SPAG1: variants seen among roughly 807,000 people sequenced by gnomAD.
SPAG1 encodes sperm associated antigen 1, also known as sperm-associated antigen 1.
A neutral mutation model predicts 100.5 loss-of-function variants in SPAG1; 69 were observed. The ratio of observed to expected loss-of-function variants is 0.69; its 90% CI spans 0.57 to 0.84. The LOEUF (loss-of-function observed/expected upper bound fraction) is 0.84, where lower values mean the gene tolerates loss of function less well. Among genes scored for constraint, SPAG1 ranks in the 40% least tolerant of loss-of-function variants. SPAG1 has a pLI of 0.00. For missense variants in SPAG1, 955 were observed against 1,133.1 expected, an observed-to-expected ratio of 0.84 and a Z score of 2.26; for synonymous variants, 336 against 411.6, an observed-to-expected ratio of 0.82 and a Z score of 2.22.
chr8:100,170,953 T>C (rs2132218044), intron 3 of SPAG1, among the ~76,000 whole-genome samples: 1 of 152,262 alleles, frequency 6.6e-6, no homozygotes, highest in South Asian at 2.1e-4. Context: ...TCGTTCTGAC[T>C]TTCACTGTGA....
chr8:100,235,943 C>T (rs1339008915), intron 16 of SPAG1, among the ~76,000 whole-genome samples: 1 of 152,138 alleles, frequency 6.6e-6, no homozygotes, highest in Admixed American at 6.5e-5. Context: ...ATTTACTCAC[C>T]TCTTTGAGCT....
At chr8:100,218,624 A>G (rs1818120154) in intron 12 of SPAG1, among the ~76,000 whole-genome samples, 1 of 152,230 alleles carries the variant, frequency 6.6e-6, no homozygotes, top group African/African-American at 2.4e-5. Context: ...AAAACCACTT[A>G]CCTATTATAG....
Position 100,187,168 on chromosome 8 carries a change from A to G in SPAG1, c.750A>G (p.Gln250=), listed in dbSNP as rs1168608615. Residue 250 remains glutamine, a synonymous_variant, in exon 8 of 19, where the codon CAA becomes CAG. Transcript: ENST00000388798. The part of the protein sequence containing the change: ...PTVVAYNNRA[Q]AEIKLQNWNS... ...TAGTTGCCTATAACAATCGAGCTCA[A>G]GCAGAAATCAAATTACAGAACTGGA... The G allele has an allele frequency of 6.2e-7, 1 of 1,613,364 alleles. No homozygotes were observed. Among genetic ancestry groups the G allele is most frequent in the Admixed American group, 1.7e-5 (1 of 59,980 alleles).
intron 9 of SPAG1, 117 bp from the exon 10 acceptor site, chr8:100,193,995 A>G (rs957271953): frequency 4.4e-6 from 4 of 918,444 alleles, no homozygotes; most frequent in Admixed American, 3.8e-5. Flanking sequence ...GCCACCAAAA[A>G]AAAGCCTTGT....
intron 4 of SPAG1, among the ~76,000 whole-genome samples, chr8:100,182,994 G>C (rs1310372661): frequency 6.7e-6 from 1 of 150,140 alleles, no homozygotes; most frequent in African/African-American, 2.5e-5. Flanking sequence ...TTATTTTTTT[G>C]AGACAGTTTC....
At chr8:100,174,151 AAACTT>A (rs1182006113) in intron 3 of SPAG1, among the ~76,000 whole-genome samples, 2 of 152,188 alleles carry the variant, frequency 1.3e-5, no homozygotes, top group African/African-American at 4.8e-5. Context: ...GACTCCCCCA[AAACTT>A]AACTATTGAT....
chr8:100,192,726 G>A (rs1236174405), intron 9 of SPAG1, among the ~76,000 whole-genome samples: 1 of 152,104 alleles, frequency 6.6e-6, no homozygotes, highest in African/African-American at 2.4e-5. Context: ...TTTTTGTAAT[G>A]GTTATGTTTA....
chr8:100,164,404 A>T (rs994077187), intron 2 of SPAG1, among the ~76,000 whole-genome samples: 9 of 152,192 alleles, frequency 5.9e-5, no homozygotes, highest in African/African-American at 2.2e-4. Flanking sequence ...GAAACTTAGA[A>T]AAAGTAAATG....
rs1048441868 is a variant in SPAG1 at position 100,162,508 on chromosome 8, A to G, written c.140+88A>G. 1.3e-5 allele frequency: 15 copies of G among 1,153,896 alleles called. No individual in the cohort carries two copies. The African/African-American group carries it at 2.2e-4, about 17-fold the overall frequency. 71.5% of individuals were successfully genotyped at this position (1,153,896 alleles called of 1,614,324 possible). A position where few individuals can be genotyped will look rare whatever the true frequency, so the allele number is the denominator to read the frequency against. ...TCTAAAGGTAAAAGCTACATTAGAA[A>G]TATCTGTTTTTGCCCATGCATGGTA... On this transcript the variant is annotated intron_variant, in intron 2 of 18. Transcript: ENST00000388798.
intron 14 of SPAG1, 24 bp from the exon 15 acceptor site, chr8:100,231,132 C>T: frequency 6.3e-7 from 1 of 1,587,824 alleles, no homozygotes; most frequent in Non-Finnish European, 8.6e-7. Flanking sequence ...GATACTTCCT[C>T]TTCTTTGTTT....
intron 2 of SPAG1, 38 bp from the exon 3 acceptor site, chr8:100,165,776 A>G (rs1486657382): frequency 6.4e-7 from 1 of 1,566,364 alleles, no homozygotes; most frequent in East Asian, 2.2e-5. Flanking sequence ...GATCCTAAAT[A>G]AGGTGCTAAC....
chr8:100,196,957 T>C (rs758523403), intron 10 of SPAG1, among the ~76,000 whole-genome samples: 1 of 151,958 alleles, frequency 6.6e-6, no homozygotes, highest in Non-Finnish European at 1.5e-5. Context: ...AGTCTCGCCA[T>C]TTCGCCCAGG....
In SPAG1 at chr8:100,233,498, A is replaced by C. The variant is rs965791481; in HGVS notation, c.2076A>C (p.Lys692Asn). ...QALQLADGNVKAFYRRALAHK... is the reference protein window; with the variant it reads ...QALQLADGNVNAFYRRALAHK... ...TTCAGCTAGCTGATGGGAACGTGAA[A>C]GCCTTCTATAGACGAGCTCTGGCTC... The change falls in exon 16 of 19, where the codon AAA (lysine) becomes AAC (asparagine). Residue 692 changes from lysine (K) to asparagine (N), a missense_variant. Coordinates refer to ENST00000388798, the MANE Select transcript of SPAG1 (RefSeq NM_003114.5). 1 of 1,613,576 alleles carries C rather than the reference A, an allele frequency of 6.2e-7. No homozygotes were observed. The highest frequency in any genetic ancestry group is 1.3e-5 in the African/African-American group (1 of 74,930).
At chr8:100,189,692 G>A (rs1166973446) in intron 8 of SPAG1, among the ~76,000 whole-genome samples, 1 of 152,044 alleles carries the variant, frequency 6.6e-6, no homozygotes, top group African/African-American at 2.4e-5. Context: ...TTAGCATTAG[G>A]TAAAGCTGAG....
chr8:100,177,584 A>G (rs1816183939), intron 3 of SPAG1, among the ~76,000 whole-genome samples: 1 of 152,198 alleles, frequency 6.6e-6, no homozygotes, highest in Admixed American at 6.5e-5. Flanking sequence ...TTATGCATTC[A>G]TGAAATACCT....
chr8:100,204,245 A>G (rs1319497976), intron 10 of SPAG1, among the ~76,000 whole-genome samples: 1 of 152,146 alleles, frequency 6.6e-6, no homozygotes, highest in Non-Finnish European at 1.5e-5. Context: ...TTCTAGACCT[A>G]TAACTAGACT....
intron 10 of SPAG1, among the ~76,000 whole-genome samples, chr8:100,211,112 CA>C (rs1817701190): frequency 6.6e-6 from 1 of 152,084 alleles, no homozygotes; most frequent in South Asian, 2.1e-4. Flanking sequence ...AGGCATGAGC[CA>C]CCGTGCCCGG....
chr8:100,225,533 G>A (rs1443190513), intron 14 of SPAG1, among the ~76,000 whole-genome samples, 194 bp downstream of exon 14: 3 of 151,714 alleles, frequency 2.0e-5, no homozygotes, highest in South Asian at 2.1e-4. Flanking sequence ...GCAGTGGTGC[G>A]ATCTTGGCTC....
chr8:100,241,077 T>C lies in SPAG1; in HGVS notation c.*55T>C. On this transcript the variant is annotated 3_prime_UTR_variant, in exon 19 of 19. Coordinates refer to ENST00000388798, the MANE Select transcript of SPAG1 (RefSeq NM_003114.5). The surrounding 1 kb of genome is among the most constrained non-coding windows in gnomAD (Gnocchi z 5.1). ...CATGTATGTGTTCCAGGAATGTTAA[T>C]GAGATGGTATTGTAAAAGAGTTGCA... 7.6e-6 allele frequency: 12 copies of C among 1,572,972 alleles called. No homozygotes were observed. Among genetic ancestry groups the C allele is most frequent in the Admixed American group, 1.9e-5 (1 of 53,962 alleles).
Sources: gnomAD v4.1 joint callset for allele counts (sites outside exome capture counted in the v4.1 genomes callset) on GRCh38, gnomAD v4.1.1 for gene constraint, Gnocchi (gnomAD v3.1) non-coding constraint, MANE v1.5 for transcripts, NCBI Gene and HGNC (gene_info 2026-07-23, HGNC 2026-07-21) for gene names.